Variants in RAB4A observed in about 807,000 individuals in gnomAD.
RAB4A encodes the protein RAB4A, member RAS oncogene family, also known as ras-related protein Rab-4A.
RAB4A carries 20 observed loss-of-function variants against 34.5 expected under a neutral mutation model. That is an observed-to-expected ratio of 0.58 (90% CI 0.41 to 0.84). The LOEUF (loss-of-function observed/expected upper bound fraction) is 0.84. RAB4A is among the 40% of genes least tolerant of loss of function. The pLI is 0.00. For missense variants in RAB4A, 228 were observed against 274.5 expected (o/e 0.83, Z 1.20); for synonymous variants, 102 against 100.0 (o/e 1.02, Z -0.12).
chr1:229,292,812 GT>G (rs915242437), intron 3 of RAB4A, among the ~76,000 whole-genome samples: 2 of 152,060 alleles, frequency 1.3e-5, no homozygotes, highest in African/African-American at 4.8e-5. Flanking sequence ...AGTCTATGGG[GT>G]TTTTCTTCAC....
chr1:229,302,300 TATA>T (rs1657426434), intron 6 of RAB4A, among the ~76,000 whole-genome samples: 3 of 37,064 alleles, frequency 8.1e-5, no homozygotes, highest in African/African-American at 3.5e-4. Context: ...TATATATATA[TATA>T]TATATATTTT....
chr1:229,295,316 T>C (rs1417130881), intron 3 of RAB4A, among the ~76,000 whole-genome samples: 1 of 152,172 alleles, frequency 6.6e-6, no homozygotes, highest in African/African-American at 2.4e-5. Flanking sequence ...AGACGCCTTC[T>C]TGAATGTGAG....
In RAB4A at chr1:229,305,169, T is replaced by G; in HGVS notation, c.*1376T>G. Reference sequence around the variant, plus strand: ...ATAAAAATATCAGTATGTATCTGTTTTAGATATTTTGAGTTTTGCTTTTTT... The same window carrying G: ...ATAAAAATATCAGTATGTATCTGTTGTAGATATTTTGAGTTTTGCTTTTTT... On this transcript the variant is annotated 3_prime_UTR_variant, in exon 8 of 8. Transcript: ENST00000366690. The G allele has an allele frequency of 1.2e-6, 2 of 1,605,726 alleles. No homozygotes were observed. The highest frequency in any genetic ancestry group is 1.7e-6 in the Non-Finnish European group (2 of 1,176,762).
At chr1:229,301,436 GA>G (rs952677728) in intron 6 of RAB4A, among the ~76,000 whole-genome samples, 1 of 150,792 alleles carries the variant, frequency 6.6e-6, no homozygotes, top group Non-Finnish European at 1.5e-5. Flanking sequence ...TTATCAGAAA[GA>G]AAAAAAAATT....
chr1:229,281,151 C>T (rs1236128363), intron 1 of RAB4A, among the ~76,000 whole-genome samples: 1 of 152,072 alleles, frequency 6.6e-6, no homozygotes, highest in Non-Finnish European at 1.5e-5. Context: ...TCTAGGAGTG[C>T]AGTTTCTGAG....
At chr1:229,285,056 G>A (rs997899517) in intron 1 of RAB4A, among the ~76,000 whole-genome samples, 61 of 152,206 alleles carry the variant, frequency 4.0e-4, no homozygotes, top group African/African-American at 1.4e-3. Flanking sequence ...CCAAGCTGGG[G>A]TGTGGTGGCA....
chr1:229,303,845 C>T lies in RAB4A; in HGVS notation c.*52C>T, dbSNP rs563404461. The T allele has an allele frequency of 2.0e-5, 3 of 152,250 alleles. No homozygotes were observed. The highest frequency in any genetic ancestry group is 4.4e-5 in the Non-Finnish European group (3 of 68,030). The allele number at this position is 152,250 out of a possible 1,614,324, so 9.4% of individuals were successfully genotyped here. On this transcript the variant is annotated 3_prime_UTR_variant, in exon 8 of 8. Transcript: ENST00000366690. ...GCATTTGGGACACAATCGTTGGAACCTGAAGAATCTGAAGTTTTTTTTACC... is the reference window on the plus strand; with the variant it reads ...GCATTTGGGACACAATCGTTGGAACTTGAAGAATCTGAAGTTTTTTTTACC...
chr1:229,302,507 A>G (rs1328248719), intron 6 of RAB4A, among the ~76,000 whole-genome samples: 1 of 149,772 alleles, frequency 6.7e-6, no homozygotes, highest in Non-Finnish European at 1.5e-5. Context: ...GGCCCATCTA[A>G]TAAGTGAAAA....
chr1:229,305,851 A>G lies in RAB4A; in HGVS notation c.*2058A>G, dbSNP rs1657535245. The G allele has an allele frequency of 6.6e-6, 1 of 152,246 alleles. No individual in the cohort carries two copies. Among genetic ancestry groups the G allele is most frequent in the South Asian group, 2.1e-4 (1 of 4,834 alleles). 9.4% of individuals were successfully genotyped at this position (152,246 alleles called of 1,614,324 possible). ...AAGAACATTGATTCTTAGCAGATCA[A>G]TAATAGTATTTAAAGAATCTGATGC... On this transcript the variant is annotated 3_prime_UTR_variant, in exon 8 of 8. Transcript: ENST00000366690.
In RAB4A at chr1:229,302,274, TATATATATATATATATATA is replaced by T. The variant is rs1558242140; in HGVS notation, c.542-587_542-569del. Among the ~76,000 whole-genome samples, 69 of 14,698 alleles carry T rather than the reference TATATATATATATATATATA, an allele frequency of 4.7e-3. 1 individual carries two copies. The highest frequency in any genetic ancestry group is 0.016 in the African/African-American group (57 of 3,536). The allele number at this position is 14,698 out of a possible 152,430, so 9.6% of individuals were successfully genotyped here. ...GTAAATAATTATATATATATATATA[TATATATATATATATATATA>T]TATATATATATATATATTTTTTTTT... On this transcript the variant is annotated intron_variant, in intron 6 of 7. Transcript: ENST00000366690.
rs1558242364 is a variant in RAB4A, at chr1:229,302,293, A to T, written c.542-569A>T. Among the ~76,000 whole-genome samples, 195 of 24,206 alleles carry T rather than the reference A, an allele frequency of 8.1e-3. 15 individuals are homozygous for T. The highest frequency in any genetic ancestry group is 0.032 in the African/African-American group (144 of 4,440). 15.9% of individuals were successfully genotyped at this position (24,206 alleles called of 152,430 possible). On this transcript the variant is annotated intron_variant, in intron 6 of 7. Transcript: ENST00000366690. ...TATATATATATATATATATATATAT[A>T]TATATATATATATATATTTTTTTTT...
intron 1 of RAB4A, among the ~76,000 whole-genome samples, chr1:229,276,930 A>G (rs1430583762): frequency 5.3e-5 from 8 of 150,140 alleles, no homozygotes; most frequent in Admixed American, 2.0e-4. Context: ...TGAGGATACA[A>G]GAGCCTCCTG....
intron 1 of RAB4A, among the ~76,000 whole-genome samples, chr1:229,277,865 CCTTT>C (rs1340163276): frequency 6.6e-6 from 1 of 151,236 alleles, no homozygotes; most frequent in African/African-American, 2.5e-5. Flanking sequence ...CCATCTCCTC[CCTTT>C]CTTCTTTTTT....
rs895342003 is a variant in RAB4A, at chr1:229,271,133, C to G, written c.-207C>G. On this transcript the variant is annotated 5_prime_UTR_variant, in exon 1 of 8. Coordinates refer to ENST00000366690, the MANE Select transcript of RAB4A (RefSeq NM_004578.4). Reference sequence around the variant, plus strand: ...CTCCTCTTCCTCCTCGCGGTCGCGGCCGGACGGAGGGTGGAGGGCCCTGCG... The same window carrying G: ...CTCCTCTTCCTCCTCGCGGTCGCGGGCGGACGGAGGGTGGAGGGCCCTGCG... 3 of 386,746 alleles carry G rather than the reference C, an allele frequency of 7.8e-6. No individual in the cohort carries two copies. Among genetic ancestry groups the G allele is most frequent in the African/African-American group, 2.1e-5 (1 of 47,408 alleles). 24.0% of individuals were successfully genotyped at this position (386,746 alleles called of 1,614,324 possible). A position where few individuals can be genotyped will look rare whatever the true frequency, so the allele number is the denominator to read the frequency against.
At chr1:229,302,829 C>G in intron 6 of RAB4A, 33 bp from the exon 7 acceptor site, 1 of 1,464,638 alleles carries the variant, frequency 6.8e-7, no homozygotes, top group Non-Finnish European at 9.4e-7. Flanking sequence ...AACATAAAAG[C>G]CTTTTTTAAA....
intron 3 of RAB4A, among the ~76,000 whole-genome samples, chr1:229,295,552 A>G (rs1657228549): frequency 6.6e-6 from 1 of 152,134 alleles, no homozygotes; most frequent in Admixed American, 6.5e-5. Flanking sequence ...GTGTCCATCT[A>G]GGGGGTGGTG....
chr1:229,272,141 TG>T (rs1656504745), intron 1 of RAB4A, among the ~76,000 whole-genome samples: 1 of 152,116 alleles, frequency 6.6e-6, no homozygotes, highest in African/African-American at 2.4e-5. Flanking sequence ...TCCCCTTTTT[TG>T]GCCTTGCGTG....
chr1:229,278,802 C>T (rs1656710809), intron 1 of RAB4A, among the ~76,000 whole-genome samples: 1 of 152,204 alleles, frequency 6.6e-6, no homozygotes, highest in South Asian at 2.1e-4. Flanking sequence ...CTTCATTCTT[C>T]AACTGACTGT....
intron 3 of RAB4A, among the ~76,000 whole-genome samples, chr1:229,291,994 A>G: frequency 6.8e-6 from 1 of 146,644 alleles, no homozygotes; most frequent in East Asian, 2.1e-4. Flanking sequence ...GCATATTCTC[A>G]CTCATAGGTG....
Sources: gnomAD v4.1 joint callset for allele counts (sites outside exome capture counted in the v4.1 genomes callset) on GRCh38, gnomAD v4.1.1 for gene constraint, MANE v1.5 for transcripts, NCBI Gene and HGNC (gene_info 2026-07-23, HGNC 2026-07-21) for gene names.